Variants in ISM1 observed in about 807,000 individuals in gnomAD.
The protein encoded by ISM1 is isthmin 1.
Under a neutral mutation model 46.3 loss-of-function variants are expected in ISM1, and 25 were observed. That is an observed-to-expected ratio of 0.54 (90% CI 0.39 to 0.75). The LOEUF (loss-of-function observed/expected upper bound fraction) is 0.75. Ranked by LOEUF, ISM1 falls within the 30% of genes least tolerant of loss-of-function variation. ISM1 has a pLI of 0.00. For synonymous variants in ISM1, 255 were observed against 256.7 expected (o/e 0.99, Z 0.06); for missense variants, 536 against 625.4 (o/e 0.86, Z 1.52).
intron 1 of ISM1, among the ~76,000 whole-genome samples, chr20:13,255,311 G>A (rs1450299760): frequency 2.6e-5 from 4 of 152,158 alleles, no homozygotes; most frequent in Admixed American, 1.3e-4. Context: ...CAAGTAATAA[G>A]GGACTTGAAG....
rs2039708433 is a variant in ISM1 at position 13,240,593 on chromosome 20, A to G, written c.138+18679A>G. On this transcript the variant is annotated intron_variant, in intron 1 of 5. Transcript: ENST00000262487. The stretch of plus-strand genomic sequence containing the variant: ...TTGCAGAAAAAAGCAAGGATTTTGC[A>G]GGTCATGATAAAGAATATGGCTGTT... Among the ~76,000 whole-genome samples the G allele has an allele frequency of 2.6e-5, 4 of 152,246 alleles. No homozygotes were observed. The South Asian group carries it at 8.3e-4, about 32-fold the overall frequency.
chr20:13,251,854 A>C (rs2039871592), intron 1 of ISM1, among the ~76,000 whole-genome samples: 1 of 152,190 alleles, frequency 6.6e-6, no homozygotes, highest in Non-Finnish European at 1.5e-5. Flanking sequence ...CCGAACTCTT[A>C]GTAACTGAAT....
chr20:13,232,003 C>G (rs909299223), intron 1 of ISM1, among the ~76,000 whole-genome samples: 4 of 152,116 alleles, frequency 2.6e-5, no homozygotes, highest in African/African-American at 9.7e-5. Context: ...ATAGCCTGCC[C>G]CAGTGTTAAC....
intron 5 of ISM1, among the ~76,000 whole-genome samples, chr20:13,297,102 G>A (rs551323930): frequency 6.6e-6 from 1 of 152,298 alleles, no homozygotes; most frequent in East Asian, 1.9e-4. Context: ...AGGCAAAGAA[G>A]GGAATTTGTG....
At chr20:13,325,765 A>G in the ISM1 span, among the ~76,000 whole-genome samples, 15 of 152,208 alleles carry the variant, frequency 9.9e-5, no homozygotes, top group Admixed American at 3.3e-4. Flanking sequence ...CTTACATGCC[A>G]GTAATTACTC....
At chr20:13,268,344 CTTCCTCTCTCTCTCT>C (rs1228429958) in intron 1 of ISM1, among the ~76,000 whole-genome samples, 6 of 55,946 alleles carry the variant, frequency 1.1e-4, no homozygotes, top group African/African-American at 1.5e-4. Flanking sequence ...TCTCCTTCTT[CTTCCTCTCTCTCTCT>C]CTCTCTCTCT....
chr20:13,295,847 C>A (rs1354917930), intron 5 of ISM1, among the ~76,000 whole-genome samples: 2 of 152,154 alleles, frequency 1.3e-5, no homozygotes, highest in Non-Finnish European at 2.9e-5. Flanking sequence ...ATGTTAAAAT[C>A]ACGATAGATC....
chr20:13,322,412 T>G, the ISM1 span, among the ~76,000 whole-genome samples: 1 of 152,196 alleles, frequency 6.6e-6, no homozygotes, highest in Non-Finnish European at 1.5e-5. Context: ...TCTCCAACTC[T>G]TCCACCTGCC....
the ISM1 span, among the ~76,000 whole-genome samples, chr20:13,325,177 G>A: frequency 6.6e-6 from 1 of 152,206 alleles, no homozygotes; most frequent in East Asian, 1.9e-4. Flanking sequence ...GAGGTGGGGG[G>A]ATGGCCCTGG....
Position 13,294,774 on chromosome 20 carries a change from G to A in ISM1, c.877+2311G>A, listed in dbSNP as rs143476996. ...TGGCAGCACCTCGACACTCTTGGGT[G>A]CACCCTCTAGGTTCCCTCCCACTTA... On this transcript the variant is annotated intron_variant, in intron 5 of 5. Coordinates refer to ENST00000262487, the MANE Select transcript of ISM1 (RefSeq NM_080826.2). 4.3e-3 allele frequency among the ~76,000 whole-genome samples: 658 copies of A among 152,304 alleles called. 5 individuals carry two copies. The highest frequency in any genetic ancestry group is 0.015 in the African/African-American group (628 of 41,556).
chr20:13,267,563 G>A (rs953812060), intron 1 of ISM1, among the ~76,000 whole-genome samples: 5 of 152,110 alleles, frequency 3.3e-5, no homozygotes, highest in African/African-American at 9.7e-5. Context: ...CAAAGTCCTC[G>A]AGTCCTAGAG....
At chr20:13,269,147 CA>C (rs2040082139) in intron 1 of ISM1, among the ~76,000 whole-genome samples, 1 of 152,076 alleles carries the variant, frequency 6.6e-6, no homozygotes, top group Non-Finnish European at 1.5e-5. Flanking sequence ...TCCCAAACCC[CA>C]AAACATGCCC....
rs1555810245 is a variant in ISM1 at position 13,247,517 on chromosome 20, G to GTGTGT, written c.139-22987_139-22986insTGTGT. On this transcript the variant is annotated intron_variant, in intron 1 of 5. Transcript: ENST00000262487. ...CAGCATTTCTGGCAGCAAAGTGAGG[G>GTGTGT]GTGTGTGTGTGTGTGTGTGTGTGTG... Among the ~76,000 whole-genome samples the GTGTGT allele has an allele frequency of 2.4e-4, 33 of 139,912 alleles. 1 individual carries two copies. The highest frequency in any genetic ancestry group is 8.3e-4 in the African/African-American group (31 of 37,232). 91.8% of individuals were successfully genotyped at this position (139,912 alleles called of 152,430 possible). A position where few individuals can be genotyped will look rare whatever the true frequency, so the allele number is the denominator to read the frequency against.
chr20:13,249,587 C>G (rs1025065344), intron 1 of ISM1, among the ~76,000 whole-genome samples: 4 of 152,208 alleles, frequency 2.6e-5, no homozygotes, highest in African/African-American at 9.7e-5. Context: ...GAAACCCCGC[C>G]AGGCTCTTTA....
chr20:13,235,274 A>G (rs1252842266), intron 1 of ISM1, among the ~76,000 whole-genome samples: 1 of 152,174 alleles, frequency 6.6e-6, no homozygotes, highest in East Asian at 1.9e-4. Flanking sequence ...TGGTGATGGG[A>G]TTACACATCA....
chr20:13,277,318 A>G (rs888604889), intron 2 of ISM1, among the ~76,000 whole-genome samples: 2 of 152,164 alleles, frequency 1.3e-5, no homozygotes, highest in Non-Finnish European at 2.9e-5. Context: ...CCAGAGACTG[A>G]TTTCATTACC....
At chr20:13,284,293 AACTAAGAAAGG>A (rs1180887705) in intron 3 of ISM1, among the ~76,000 whole-genome samples, 6 of 152,210 alleles carry the variant, frequency 3.9e-5, no homozygotes, top group African/African-American at 1.4e-4. Flanking sequence ...AGTGCCCTGA[AACTAAGAAAGG>A]ACTACTTTAA....
chr20:13,234,693 C>G (rs2039627986), intron 1 of ISM1, among the ~76,000 whole-genome samples: 1 of 152,072 alleles, frequency 6.6e-6, no homozygotes. Context: ...ATTTTTATTT[C>G]TCTGATAATT....
At chr20:13,254,166 G>A (rs1356344368) in intron 1 of ISM1, among the ~76,000 whole-genome samples, 2 of 151,842 alleles carry the variant, frequency 1.3e-5, no homozygotes, top group African/African-American at 4.8e-5. Flanking sequence ...CCAGGAGGGG[G>A]AGGTTGCAGT....
Sources: gnomAD v4.1 joint callset for allele counts (sites outside exome capture counted in the v4.1 genomes callset) on GRCh38, gnomAD v4.1.1 for gene constraint, MANE v1.5 for transcripts, NCBI Gene and HGNC (gene_info 2026-07-23, HGNC 2026-07-21) for gene names.